Variants in SCFD2 observed in about 807,000 individuals in gnomAD.
SCFD2 encodes the protein sec1 family domain-containing protein 2.
SCFD2 carries 54 observed loss-of-function variants against 58.9 expected under a neutral mutation model. The observed-to-expected ratio is 0.92, with a 90% CI of 0.74 to 1.15. The LOEUF (loss-of-function observed/expected upper bound fraction) is 1.15, where lower values mean the gene tolerates loss of function less well. Among genes scored for constraint, SCFD2 ranks in the 50% most tolerant of loss-of-function variants. The pLI is 0.00. For missense variants in SCFD2, 805 were observed against 836.6 expected (o/e 0.96, Z 0.47); for synonymous variants, 321 against 335.9 (o/e 0.96, Z 0.49).
At chr4:52,905,734 G>A (rs1269815833) in intron 7 of SCFD2, among the ~76,000 whole-genome samples, 3 of 152,178 alleles carry the variant, frequency 2.0e-5, no homozygotes, top group Non-Finnish European at 4.4e-5. Context: ...GAACCTGCTT[G>A]AGGACAGTGG....
In SCFD2 at chr4:53,049,949, A is replaced by G. The variant is rs188349006; in HGVS notation, c.1561+95384T>C. On this transcript the variant is annotated intron_variant, in intron 5 of 8. Transcript: ENST00000401642. ...TTCTTTGATTGGCATGTATTCATTC[A>G]TAGATTCAGCATTCAGCAAATGTTT... is the stretch of plus-strand genomic sequence containing the variant. Among the ~76,000 whole-genome samples the G allele has an allele frequency of 2.2e-4, 34 of 152,234 alleles. No individual in the cohort carries two copies. In the East Asian group the frequency reaches 6.2e-3, roughly 28 times the overall value.
chr4:53,216,058 T>C (rs141258144), intron 4 of SCFD2, among the ~76,000 whole-genome samples: 3 of 152,352 alleles, frequency 2.0e-5, no homozygotes, highest in African/African-American at 7.2e-5. Flanking sequence ...CAGTATGTTA[T>C]TGAGGATTTT....
chr4:53,276,523 G>A (rs73250950), intron 3 of SCFD2, among the ~76,000 whole-genome samples: 2,426 of 151,922 alleles, frequency 0.016, 38 homozygotes, highest in Non-Finnish European at 0.025. Context: ...AGGTAAACTC[G>A]TGTCATGGGG....
intron 5 of SCFD2, among the ~76,000 whole-genome samples, chr4:52,979,786 C>T (rs1721333926): frequency 6.6e-6 from 1 of 152,132 alleles, no homozygotes; most frequent in African/African-American, 2.4e-5. Context: ...ATAAAATAAT[C>T]CGAGTTGATT....
chr4:53,236,049 T>A lies in SCFD2; in HGVS notation c.1311+37777A>T, dbSNP rs184751360. Among the ~76,000 whole-genome samples the A allele has an allele frequency of 4.0e-3, 607 of 152,274 alleles. 1 individual carries two copies. The highest frequency in any genetic ancestry group is 0.01 in the Admixed American group (158 of 15,302). On this transcript the variant is annotated intron_variant, in intron 4 of 8. Transcript: ENST00000401642. ...TGGATTGAAGGATACGAAGTATTGATTCTGGGTGTGTAAGTGAGGGTATTG... is the reference window on the plus strand; with the variant it reads ...TGGATTGAAGGATACGAAGTATTGAATCTGGGTGTGTAAGTGAGGGTATTG...
chr4:53,055,685 A>G (rs760126008), intron 5 of SCFD2, among the ~76,000 whole-genome samples: 2 of 152,174 alleles, frequency 1.3e-5, no homozygotes, highest in Non-Finnish European at 2.9e-5. Context: ...AACAGGACTC[A>G]CCAGAGTCTT....
chr4:53,076,330 G>A (rs1276676467), intron 5 of SCFD2, among the ~76,000 whole-genome samples: 1 of 152,092 alleles, frequency 6.6e-6, no homozygotes, highest in Non-Finnish European at 1.5e-5. Flanking sequence ...ACAGCATCAA[G>A]GTTGATGAAA....
chr4:53,076,808 G>A (rs1301332732), intron 5 of SCFD2, among the ~76,000 whole-genome samples: 1 of 152,058 alleles, frequency 6.6e-6, no homozygotes, highest in Non-Finnish European at 1.5e-5. Context: ...ATCCAACACG[G>A]GCTGCTTCCC....
At chr4:53,041,734 A>G (rs1348058076) in intron 5 of SCFD2, among the ~76,000 whole-genome samples, 2 of 152,180 alleles carry the variant, frequency 1.3e-5, no homozygotes, top group Non-Finnish European at 2.9e-5. Context: ...TTCACACATT[A>G]CTGCTTCAAA....
intron 5 of SCFD2, among the ~76,000 whole-genome samples, chr4:53,074,383 G>A (rs1208161495): frequency 6.6e-6 from 1 of 152,086 alleles, no homozygotes; most frequent in Admixed American, 6.6e-5. Flanking sequence ...TATCGATGAG[G>A]CTTGGAATGA....
chr4:52,960,357 A>ATCT (rs1198166843), intron 5 of SCFD2, among the ~76,000 whole-genome samples: 1 of 141,398 alleles, frequency 7.1e-6, no homozygotes, highest in Non-Finnish European at 1.5e-5. Context: ...AGAGAGGCAC[A>ATCT]TCTTCTTCTT....
At chr4:53,128,586 G>C (rs1304329769) in intron 5 of SCFD2, among the ~76,000 whole-genome samples, 3 of 152,008 alleles carry the variant, frequency 2.0e-5, no homozygotes, top group Admixed American at 1.3e-4. Context: ...TCGGAGGGGA[G>C]GAGGGGTGAA....
intron 5 of SCFD2, among the ~76,000 whole-genome samples, chr4:52,990,660 T>C (rs1429976273): frequency 6.6e-6 from 1 of 152,212 alleles, no homozygotes. Flanking sequence ...ATGTGTAATA[T>C]ACTGTCCAGT....
chr4:53,299,944 G>C (rs1423055841), intron 3 of SCFD2, among the ~76,000 whole-genome samples: 1 of 152,070 alleles, frequency 6.6e-6, no homozygotes, highest in Non-Finnish European at 1.5e-5. Flanking sequence ...AGCTCCTGAA[G>C]GAAGCACTAA....
rs1718405398 is a variant in SCFD2, at chr4:52,873,811, A to G, written c.*158T>C. ...TTAAGAATCACAGCAATCCAAGCAA[A>G]GTACCTCACTGAGTAGGTATCAAGA... On this transcript the variant is annotated 3_prime_UTR_variant, in exon 9 of 9. Coordinates refer to ENST00000401642, the MANE Select transcript of SCFD2 (RefSeq NM_152540.4). 2.1e-6 allele frequency: 1 copy of G among 477,102 alleles called. No homozygotes were observed. The highest frequency in any genetic ancestry group is 3.7e-6 in the Non-Finnish European group (1 of 268,302). The allele number at this position is 477,102 out of a possible 1,614,324, so 29.6% of individuals were successfully genotyped here.
chr4:53,238,896 GGCTCCTCACATCCCAGA>G (rs1729787177), intron 4 of SCFD2, among the ~76,000 whole-genome samples: 1 of 150,174 alleles, frequency 6.7e-6, no homozygotes, highest in South Asian at 2.1e-4. Flanking sequence ...CAGGCAGAGG[GGCTCCTCACATCCCAGA>G]TGATGGGCGG....
At chr4:53,328,700 C>T (rs1655759914) in intron 2 of SCFD2, among the ~76,000 whole-genome samples, 1 of 152,242 alleles carries the variant, frequency 6.6e-6, no homozygotes, top group Non-Finnish European at 1.5e-5. Context: ...CTATTATCAG[C>T]CATCACAGAA....
intron 6 of SCFD2, among the ~76,000 whole-genome samples, chr4:52,914,576 G>A (rs866515454): frequency 6.6e-5 from 10 of 152,034 alleles, no homozygotes; most frequent in South Asian, 2.1e-4. Context: ...TTCCTGTCTC[G>A]GGCACACTTG....
At chr4:52,952,522 G>GTT (rs896162569) in intron 5 of SCFD2, among the ~76,000 whole-genome samples, 4 of 152,018 alleles carry the variant, frequency 2.6e-5, no homozygotes, top group African/African-American at 9.7e-5. Flanking sequence ...CCAGAAAAAA[G>GTT]TTTATCTTCT....
Sources: gnomAD v4.1 joint callset for allele counts (sites outside exome capture counted in the v4.1 genomes callset) on GRCh38, gnomAD v4.1.1 for gene constraint, MANE v1.5 for transcripts, NCBI Gene and HGNC (gene_info 2026-07-23, HGNC 2026-07-21) for gene names.